The following THRB variants were observed in gnomAD, a reference collection of about 807,000 sequenced individuals.
THRB encodes the protein nuclear receptor subfamily 1 group A member 2.
THRB carries 12 observed loss-of-function variants against 47.8 expected under a neutral mutation model. The ratio of observed to expected loss-of-function variants is 0.25; its 90% CI spans 0.16 to 0.41. THRB has a LOEUF of 0.41. THRB is among the 10% of genes least tolerant of loss of function. The pLI is 1.00. For missense variants in THRB, 348 were observed against 589.2 expected, an observed-to-expected ratio of 0.59 and a Z score of 4.24; for synonymous variants, 218 against 212.2, an observed-to-expected ratio of 1.03 and a Z score of -0.24.
At chr3:24,188,860 T>TATATATATATATATATATATATATAA (rs573969398) in intron 5 of THRB, among the ~76,000 whole-genome samples, 3 of 131,154 alleles carry the variant, frequency 2.3e-5, no homozygotes, top group Non-Finnish European at 4.8e-5. Flanking sequence ...TCTCCTCAAA[T>TATATATATATATATATATATATATAA]ATATATATAT....
chr3:24,218,108 A>G (rs1037737987), intron 4 of THRB, among the ~76,000 whole-genome samples: 3 of 152,078 alleles, frequency 2.0e-5, no homozygotes, highest in Admixed American at 6.6e-5. Flanking sequence ...CTACTAAAAA[A>G]TACAAAAAAA....
chr3:24,205,544 A>G (rs1301976423), intron 4 of THRB, among the ~76,000 whole-genome samples: 1 of 152,242 alleles, frequency 6.6e-6, no homozygotes, highest in Non-Finnish European at 1.5e-5. Flanking sequence ...CACTGCAAAA[A>G]CATGCCAAAT....
chr3:24,125,722 A>C (rs2032631841), intron 10 of THRB, among the ~76,000 whole-genome samples: 1 of 152,156 alleles, frequency 6.6e-6, no homozygotes, highest in Admixed American at 6.5e-5. Flanking sequence ...CTTTCCCCAC[A>C]TGGCGGTTTA....
chr3:24,278,747 A>G (rs1045281167), intron 3 of THRB, among the ~76,000 whole-genome samples: 1 of 152,260 alleles, frequency 6.6e-6, no homozygotes, highest in Non-Finnish European at 1.5e-5. Context: ...AATGCCTATA[A>G]TTCCAGTAAC....
chr3:24,411,200 T>TA (rs2068264489), intron 1 of THRB, among the ~76,000 whole-genome samples: 2 of 151,952 alleles, frequency 1.3e-5, no homozygotes, highest in African/African-American at 4.8e-5. Context: ...GGTTATATGC[T>TA]AAAGTCAAAG....
At chr3:24,451,183 C>T (rs895460251) in intron 1 of THRB, among the ~76,000 whole-genome samples, 5 of 144,982 alleles carry the variant, frequency 3.4e-5, no homozygotes, top group Admixed American at 1.4e-4. Context: ...TGAAGATTTT[C>T]TGATTTTCCT....
chr3:24,470,111 T>C (rs564573732), intron 1 of THRB, among the ~76,000 whole-genome samples: 2 of 152,230 alleles, frequency 1.3e-5, no homozygotes, highest in Admixed American at 1.3e-4. Context: ...TTGTTACCCT[T>C]GAGTCATGTG....
intron 2 of THRB, among the ~76,000 whole-genome samples, chr3:24,336,412 C>G (rs1417062337): frequency 6.6e-6 from 1 of 152,230 alleles, no homozygotes; most frequent in Non-Finnish European, 1.5e-5. Context: ...CTGACCAAGC[C>G]TGAATGTCAC....
At chr3:24,328,254 C>A (rs562531062) in intron 2 of THRB, among the ~76,000 whole-genome samples, 8 of 151,998 alleles carry the variant, frequency 5.3e-5, no homozygotes, top group Admixed American at 5.2e-4. Context: ...ACACTTCTTA[C>A]GGAAATAATC....
At chr3:24,421,294 C>T (rs571433366) in intron 1 of THRB, among the ~76,000 whole-genome samples, 10 of 151,548 alleles carry the variant, frequency 6.6e-5, no homozygotes, top group African/African-American at 2.2e-4. Flanking sequence ...AACAAACCCC[C>T]GTGGCAGAAG....
intron 1 of THRB, among the ~76,000 whole-genome samples, chr3:24,353,176 T>G (rs1026690644): frequency 6.6e-6 from 1 of 151,992 alleles, no homozygotes; most frequent in African/African-American, 2.4e-5. Context: ...AAAAAAAACC[T>G]CTTGTCAGAA....
chr3:24,338,640 A>G lies in THRB; in HGVS notation c.-260-1269T>C, dbSNP rs184539722. ...TGGTTATGTGTGGGTGTGCATATGT[A>G]TGTGAGCATAAGCACATTTTCTCTG... On this transcript the variant is annotated intron_variant, in intron 1 of 10. Transcript: ENST00000646209. 3.9e-3 allele frequency among the ~76,000 whole-genome samples: 592 copies of G among 152,340 alleles called. 3 individuals are homozygous for G. Among genetic ancestry groups the G allele is most frequent in the Non-Finnish European group, 6.8e-3 (461 of 68,030 alleles).
At chr3:24,378,888 T>TCCAGCAACTCAAAATCCAGCAACTCAA (rs1171857047) in intron 1 of THRB, among the ~76,000 whole-genome samples, 7 of 152,074 alleles carry the variant, frequency 4.6e-5, no homozygotes, top group Non-Finnish European at 8.8e-5. Context: ...GAAAACAAAA[T>TCCAGCAACTCAAAATCCAGCAACTCAA]ATTCCAAAAT....
chr3:24,272,377 AAAAC>A (rs1260242506), intron 3 of THRB, among the ~76,000 whole-genome samples: 44 of 146,098 alleles, frequency 3.0e-4, no homozygotes, highest in South Asian at 6.4e-4. Context: ...ACAACAAACA[AAAAC>A]AAACAAACAA....
At chr3:24,348,784 A>G (rs923802539) in intron 1 of THRB, 3 of 152,172 alleles carry the variant, frequency 2.0e-5, no homozygotes, top group Non-Finnish European at 4.4e-5. Flanking sequence ...CAAACATGCT[A>G]ATGATGAATA....
chr3:24,451,092 T>C (rs1050309361), intron 1 of THRB, among the ~76,000 whole-genome samples: 2 of 152,190 alleles, frequency 1.3e-5, no homozygotes, highest in Non-Finnish European at 2.9e-5. Flanking sequence ...TTCCTTGTGA[T>C]ACATATGAGC....
chr3:24,389,091 C>T (rs781474043), intron 1 of THRB, among the ~76,000 whole-genome samples: 5 of 152,274 alleles, frequency 3.3e-5, no homozygotes, highest in African/African-American at 9.6e-5. Context: ...GTTTTCCTGA[C>T]GCACAGAAAG....
At chr3:24,481,745 C>T (rs1696458388) in intron 1 of THRB, among the ~76,000 whole-genome samples, 1 of 151,304 alleles carries the variant, frequency 6.6e-6, no homozygotes, top group Admixed American at 6.6e-5. Context: ...TCAGGAGTTC[C>T]TTGAATAAAG....
At chr3:24,133,991 G>A (rs2034265676) in intron 8 of THRB, among the ~76,000 whole-genome samples, 1 of 152,168 alleles carries the variant, frequency 6.6e-6, no homozygotes, top group South Asian at 2.1e-4. Context: ...TCCAGTTTGA[G>A]GTGGTCTCAG....
Sources: allele counts gnomAD v4.1 joint callset (sites outside exome capture counted in the v4.1 genomes callset), GRCh38; gene constraint gnomAD v4.1.1; transcripts MANE v1.5; gene names NCBI Gene and HGNC (gene_info 2026-07-23, HGNC 2026-07-21).